PCBP3: variants seen among roughly 807,000 people sequenced by gnomAD.
PCBP3 encodes the protein poly(rC) binding protein 3, also known as poly(rC)-binding protein 3.
A neutral mutation model predicts 52.7 loss-of-function variants in PCBP3; 25 were observed. That is an observed-to-expected ratio of 0.47 (90% CI 0.35 to 0.66). The LOEUF is 0.66. Ranked by LOEUF, PCBP3 falls within the 30% of genes least tolerant of loss-of-function variation. The probability of loss-of-function intolerance (pLI) is 0.01; values close to 1 mark genes in which losing one functional copy is unlikely to be tolerated. For missense variants in PCBP3, 391 were observed against 490.3 expected (o/e 0.80, Z 1.91); for synonymous variants, 162 against 183.0 (o/e 0.89, Z 0.93).
At chr21:45,895,139 C>T (rs1232325414) in intron 5 of PCBP3, among the ~76,000 whole-genome samples, 2 of 152,202 alleles carry the variant, frequency 1.3e-5, no homozygotes, top group Non-Finnish European at 1.5e-5. Context: ...TGTAGATCCT[C>T]CTTACACACC....
At chr21:45,901,690 G>C (rs2096051787) in intron 9 of PCBP3, 1 of 154,414 alleles carries the variant, frequency 6.5e-6, no homozygotes. Context: ...GAGACAGAGA[G>C]ATGAGAGAGA....
At chr21:45,813,397 A>G (rs1302781863) in intron 4 of PCBP3, among the ~76,000 whole-genome samples, 1 of 151,904 alleles carries the variant, frequency 6.6e-6, no homozygotes, top group African/African-American at 2.4e-5. Flanking sequence ...TCTTCCTTAG[A>G]TCTTCTGATG....
At chr21:45,813,883 T>C (rs1022731845) in intron 4 of PCBP3, among the ~76,000 whole-genome samples, 6 of 152,272 alleles carry the variant, frequency 3.9e-5, no homozygotes, top group Admixed American at 3.9e-4. Flanking sequence ...CATCTACATA[T>C]GTGCAGTATT....
intron 3 of PCBP3, among the ~76,000 whole-genome samples, chr21:45,753,611 C>G (rs2087749033): frequency 6.6e-6 from 1 of 152,074 alleles, no homozygotes; most frequent in South Asian, 2.1e-4. Flanking sequence ...TTTAGCTCAA[C>G]TTTCTTATTT....
chr21:45,710,195 C>T (rs989093467), intron 2 of PCBP3, among the ~76,000 whole-genome samples: 1 of 152,104 alleles, frequency 6.6e-6, no homozygotes, highest in Non-Finnish European at 1.5e-5. Context: ...GGTACCTGTG[C>T]ACAACGTGCA....
intron 4 of PCBP3, among the ~76,000 whole-genome samples, chr21:45,816,029 G>A (rs1370170558): frequency 5.4e-5 from 7 of 130,820 alleles, no homozygotes; most frequent in Non-Finnish European, 9.6e-5. Context: ...GTAGTGAGTG[G>A]TGAGTGGTGA....
intron 4 of PCBP3, among the ~76,000 whole-genome samples, chr21:45,816,717 C>A (rs899541365): frequency 5.4e-5 from 8 of 149,380 alleles, no homozygotes; most frequent in African/African-American, 2.0e-4. Context: ...TCCTGAGAGA[C>A]CTGACTGAGG....
At chr21:45,723,943 A>T (rs2084844452) in intron 2 of PCBP3, among the ~76,000 whole-genome samples, 1 of 151,856 alleles carries the variant, frequency 6.6e-6, no homozygotes, top group Non-Finnish European at 1.5e-5. Flanking sequence ...CTGTGATAGG[A>T]ATTAAGTTGA....
chr21:45,857,983 C>T (rs1461901729), intron 5 of PCBP3, among the ~76,000 whole-genome samples: 1 of 152,152 alleles, frequency 6.6e-6, no homozygotes, highest in Admixed American at 6.5e-5. Flanking sequence ...CCAAGCCAGG[C>T]CTCCCCCATT....
intron 2 of PCBP3, among the ~76,000 whole-genome samples, chr21:45,710,043 C>T (rs1192091347): frequency 1.3e-5 from 2 of 152,174 alleles, no homozygotes; most frequent in Non-Finnish European, 2.9e-5. Context: ...CAGTTTATGT[C>T]AAGGAAGCTC....
At chr21:45,916,032 C>G (rs2073346591) in intron 12 of PCBP3, 1 of 152,318 alleles carries the variant, frequency 6.6e-6, no homozygotes, top group African/African-American at 2.4e-5. Flanking sequence ...GGGCACCCAG[C>G]AGCAGCTCCT....
intron 9 of PCBP3, among the ~76,000 whole-genome samples, 195 bp from the exon 10 acceptor site, chr21:45,909,160 C>G (rs551515068): frequency 2.0e-4 from 31 of 152,226 alleles, no homozygotes; most frequent in African/African-American, 7.2e-4. Flanking sequence ...GTCTGTGTGC[C>G]CTGCCAGCCT....
chr21:45,709,657 C>A (rs867574912), intron 2 of PCBP3, among the ~76,000 whole-genome samples: 1 of 152,138 alleles, frequency 6.6e-6, no homozygotes, highest in Middle Eastern at 3.4e-3. Flanking sequence ...TCTTTGTAAA[C>A]CCCACATCCA....
intron 1 of PCBP3, among the ~76,000 whole-genome samples, chr21:45,644,473 T>A (rs1448580593): frequency 6.6e-6 from 1 of 151,794 alleles, no homozygotes; most frequent in Non-Finnish European, 1.5e-5. Context: ...TCCCCACACG[T>A]GTTCTAATTG....
chr21:45,716,734 T>G (rs1331000131), intron 2 of PCBP3, among the ~76,000 whole-genome samples: 2 of 152,204 alleles, frequency 1.3e-5, no homozygotes, highest in Non-Finnish European at 2.9e-5. Flanking sequence ...GTCCAGAACA[T>G]GCCCATATGA....
intron 4 of PCBP3, among the ~76,000 whole-genome samples, chr21:45,768,436 A>G (rs550057459): frequency 6.6e-6 from 1 of 152,236 alleles, no homozygotes; most frequent in African/African-American, 2.4e-5. Context: ...GTTACTGAGC[A>G]TCAGACTGTG....
intron 4 of PCBP3, among the ~76,000 whole-genome samples, chr21:45,795,789 GA>G: frequency 6.6e-6 from 1 of 152,078 alleles, no homozygotes. Flanking sequence ...AATAAATTCT[GA>G]AAAAGAATCA....
chr21:45,825,496 G>A (rs2093282923), intron 4 of PCBP3, among the ~76,000 whole-genome samples: 1 of 152,176 alleles, frequency 6.6e-6, no homozygotes. Context: ...CTCAACCCAT[G>A]GCTGGTGATT....
intron 4 of PCBP3, among the ~76,000 whole-genome samples, chr21:45,797,609 G>GATGA (rs2092006583): frequency 7.0e-6 from 1 of 142,166 alleles, no homozygotes; most frequent in Non-Finnish European, 1.5e-5. Context: ...TGCATGGATG[G>GATGA]ATGAATGCAT....
Sources: gnomAD v4.1 joint callset for allele counts (sites outside exome capture counted in the v4.1 genomes callset) on GRCh38, gnomAD v4.1.1 for gene constraint, MANE v1.5 for transcripts, NCBI Gene and HGNC (gene_info 2026-07-23, HGNC 2026-07-21) for gene names.